TEAD4: variants seen among roughly 807,000 people sequenced by gnomAD.
TEAD4 encodes the protein TEA domain transcription factor 4.
Under a neutral mutation model 52.4 loss-of-function variants are expected in TEAD4, and 36 were observed. The ratio of observed to expected loss-of-function variants is 0.69; its 90% CI spans 0.53 to 0.91. The LOEUF is 0.91. Ranked by LOEUF, TEAD4 falls within the 40% of genes least tolerant of loss-of-function variation. The pLI is 0.00. For synonymous variants in TEAD4, 220 were observed against 231.0 expected (o/e 0.95, Z 0.43); for missense variants, 508 against 583.9 (o/e 0.87, Z 1.34).
At chr12:2,986,730 G>A (rs1001985892) in intron 2 of TEAD4, among the ~76,000 whole-genome samples, 6 of 152,120 alleles carry the variant, frequency 3.9e-5, no homozygotes, top group Admixed American at 3.9e-4. Context: ...CAGTAACACA[G>A]TTGTTTATTG....
At chr12:3,033,368 A>G (rs1342485486) in intron 10 of TEAD4, among the ~76,000 whole-genome samples, 2 of 152,122 alleles carry the variant, frequency 1.3e-5, no homozygotes, top group Non-Finnish European at 2.9e-5. Context: ...GGAGCGAGGG[A>G]CTGATGCGAT....
chr12:2,995,089 C>T, intron 3 of TEAD4, 97 bp downstream of exon 3: 1 of 1,448,854 alleles, frequency 6.9e-7, no homozygotes, highest in Non-Finnish European at 9.3e-7. Context: ...AAGGGGATGA[C>T]CACTTGGGGC....
intron 10 of TEAD4, among the ~76,000 whole-genome samples, chr12:3,032,603 T>C (rs752060405): frequency 3.9e-5 from 6 of 152,232 alleles, no homozygotes; most frequent in Non-Finnish European, 7.3e-5. Context: ...CAGTTTGATC[T>C]TGGGGACCTG....
At chr12:3,038,969 G>T (rs1032120133) in intron 11 of TEAD4, among the ~76,000 whole-genome samples, 2 of 152,166 alleles carry the variant, frequency 1.3e-5, no homozygotes, top group Non-Finnish European at 2.9e-5. Flanking sequence ...CCTCCTCACC[G>T]TGCAGGCCAG....
intron 2 of TEAD4, among the ~76,000 whole-genome samples, chr12:2,978,719 A>G (rs2098231841): frequency 6.6e-6 from 1 of 151,830 alleles, no homozygotes; most frequent in Non-Finnish European, 1.5e-5. Flanking sequence ...TGTTAATGTT[A>G]TGAATGAAAC....
At chr12:3,014,184 A>C (rs2098262564) in intron 5 of TEAD4, among the ~76,000 whole-genome samples, 1 of 152,134 alleles carries the variant, frequency 6.6e-6, no homozygotes, top group South Asian at 2.1e-4. Flanking sequence ...ACAGCCATGG[A>C]ACCCAGCCCT....
In TEAD4 at chr12:2,959,451, C is replaced by G. The variant is rs2098213286; in HGVS notation, c.-153C>G. 6.8e-6 allele frequency: 1 copy of G among 146,968 alleles called. No homozygotes were observed. Among genetic ancestry groups the G allele is most frequent in the Non-Finnish European group, 1.5e-5 (1 of 65,876 alleles). 9.1% of individuals were successfully genotyped at this position (146,968 alleles called of 1,614,324 possible). On this transcript the variant is annotated 5_prime_UTR_variant, in exon 1 of 13. Transcript: ENST00000359864. The surrounding 1 kb of genome is among the most constrained non-coding windows in gnomAD (Gnocchi z 5.1). ...CACTCGAGGCCAGGGGGCGGGAGGGCCGCAGCTCCGGCGCCGCCGCGTCCC... is the reference window on the plus strand; with the variant it reads ...CACTCGAGGCCAGGGGGCGGGAGGGGCGCAGCTCCGGCGCCGCCGCGTCCC...
chr12:2,967,225 G>A (rs572963375), intron 2 of TEAD4, among the ~76,000 whole-genome samples: 1 of 150,466 alleles, frequency 6.6e-6, no homozygotes, highest in South Asian at 2.1e-4. Context: ...ATTCGGGTGG[G>A]CTGGTATTTC....
intron 3 of TEAD4, among the ~76,000 whole-genome samples, chr12:2,996,114 A>G (rs2098246913): frequency 6.6e-6 from 1 of 152,118 alleles, no homozygotes; most frequent in Non-Finnish European, 1.5e-5. Flanking sequence ...CTAGCTCAAA[A>G]CAGTGGTCTT....
chr12:2,961,133 G>A (rs2098214926), intron 2 of TEAD4, among the ~76,000 whole-genome samples: 1 of 152,184 alleles, frequency 6.6e-6, no homozygotes, highest in Admixed American at 6.6e-5. Context: ...GGGAAAAGGA[G>A]ACAGTTTTGA....
At chr12:2,984,190 C>T (rs573377151) in intron 2 of TEAD4, among the ~76,000 whole-genome samples, 60 of 152,136 alleles carry the variant, frequency 3.9e-4, no homozygotes, top group African/African-American at 1.4e-3. Context: ...GAAGGTATGG[C>T]CGGAGAGCAG....
chr12:3,015,232 C>A (rs1426893766), intron 5 of TEAD4, among the ~76,000 whole-genome samples: 1 of 152,042 alleles, frequency 6.6e-6, no homozygotes, highest in African/African-American at 2.4e-5. Context: ...GTGCGTCTCC[C>A]CCGACCCCTT....
At chr12:3,001,410 C>T (rs566983768) in intron 3 of TEAD4, among the ~76,000 whole-genome samples, 1 of 152,322 alleles carries the variant, frequency 6.6e-6, no homozygotes, top group East Asian at 1.9e-4. Context: ...TTCCCCTCTG[C>T]CCCTATAGCC....
chr12:3,040,402 G>T lies in TEAD4; in HGVS notation c.1229G>T (p.Cys410Phe), dbSNP rs1020888840. Residue 410 changes from cysteine to phenylalanine, a missense_variant, in exon 13 of 13, where the codon TGC becomes TTC. Physicochemically the swap from Cys to Phe is radical, Grantham distance 205 (BLOSUM62 -2). Transcript: ENST00000359864. Reference sequence around the variant, plus strand: ...AGAGACACACAGGAGACCTTGCTGTGCATTGCCTATGTCTTTGAGGTGTCA... The same window carrying T: ...AGAGACACACAGGAGACCTTGCTGTTCATTGCCTATGTCTTTGAGGTGTCA... 6.2e-7 allele frequency: 1 copy of T among 1,614,072 alleles called. No homozygotes were observed. Among genetic ancestry groups the T allele is most frequent in the African/African-American group, 1.3e-5 (1 of 74,914 alleles).
At chr12:2,961,770 T>G (rs771920313) in intron 2 of TEAD4, among the ~76,000 whole-genome samples, 2 of 152,198 alleles carry the variant, frequency 1.3e-5, no homozygotes, top group Non-Finnish European at 1.5e-5. Flanking sequence ...CTTATTTCAG[T>G]AAGAACCCCT....
At chr12:2,985,593 C>T (rs1323495842) in intron 2 of TEAD4, among the ~76,000 whole-genome samples, 3 of 144,344 alleles carry the variant, frequency 2.1e-5, no homozygotes, top group Non-Finnish European at 4.5e-5. Context: ...GCAACCTCCG[C>T]CTCCCGGGTT....
intron 3 of TEAD4, among the ~76,000 whole-genome samples, chr12:3,009,158 T>C (rs1432620624): frequency 6.6e-6 from 1 of 152,262 alleles, no homozygotes; most frequent in Non-Finnish European, 1.5e-5. Flanking sequence ...CTGGGTGCAG[T>C]GGCTCACGCC....
intron 2 of TEAD4, among the ~76,000 whole-genome samples, chr12:2,962,323 TATAAATATAA>T (rs1397336865): frequency 7.3e-5 from 7 of 96,550 alleles, no homozygotes; most frequent in African/African-American, 3.6e-4. Flanking sequence ...TAAATATATA[TATAAATATAA>T]ATATATATAT....
intron 2 of TEAD4, among the ~76,000 whole-genome samples, chr12:2,965,834 G>A (rs2098219807): frequency 6.6e-6 from 1 of 152,026 alleles, no homozygotes; most frequent in Non-Finnish European, 1.5e-5. Context: ...GTGAGCCACC[G>A]CGCCCGGCCA....
Sources: gnomAD v4.1 joint callset for allele counts (sites outside exome capture counted in the v4.1 genomes callset) on GRCh38, gnomAD v4.1.1 for gene constraint, Gnocchi (gnomAD v3.1) non-coding constraint, MANE v1.5 for transcripts, NCBI Gene and HGNC (gene_info 2026-07-23, HGNC 2026-07-21) for gene names.